TMEM169: variants seen among roughly 807,000 people sequenced by gnomAD.
The protein encoded by TMEM169 is transmembrane protein 169.
A neutral mutation model predicts 27.3 loss-of-function variants in TMEM169; 18 were observed. The ratio of observed to expected loss-of-function variants is 0.66; its 90% CI spans 0.46 to 0.98. The LOEUF (loss-of-function observed/expected upper bound fraction) is 0.98. Ranked by LOEUF, TMEM169 falls within the 50% of genes least tolerant of loss-of-function variation. TMEM169 has a pLI of 0.00. For missense variants in TMEM169, 320 were observed against 368.6 expected, an observed-to-expected ratio of 0.87 and a Z score of 1.08; for synonymous variants, 136 against 142.1, an observed-to-expected ratio of 0.96 and a Z score of 0.30.
chr2:216,095,098 C>CT (rs1202631763), intron 1 of TMEM169, among the ~76,000 whole-genome samples: 1 of 76,224 alleles, frequency 1.3e-5, no homozygotes, highest in Non-Finnish European at 2.3e-5. Flanking sequence ...ACCTATGGTT[C>CT]TTTTTTCTTT....
In TMEM169 at chr2:216,102,101, G is replaced by A. The variant is rs1230734329; in HGVS notation, c.*1559G>A. ...CTCTTTGTCCTGGTGGTGGAGGTGG[G>A]ACGAGGTGGTGATATTTAACCTAGA... On this transcript the variant is annotated 3_prime_UTR_variant, in exon 3 of 3. Coordinates refer to ENST00000437356, the MANE Select transcript of TMEM169 (RefSeq NM_001142311.2). 1 of 152,078 alleles carries A rather than the reference G, an allele frequency of 6.6e-6. No homozygotes were observed. The highest frequency in any genetic ancestry group is 1.9e-4 in the East Asian group (1 of 5,178). 9.4% of individuals were successfully genotyped at this position (152,078 alleles called of 1,614,324 possible).
chr2:216,087,478 G>C (rs1222556490), intron 1 of TMEM169, among the ~76,000 whole-genome samples: 1 of 152,148 alleles, frequency 6.6e-6, no homozygotes, highest in Non-Finnish European at 1.5e-5. Flanking sequence ...AGGACTTAGA[G>C]ACTAATTATT....
In TMEM169 at chr2:216,100,268, G is replaced by A. The variant is rs1696362461; in HGVS notation, c.620G>A (p.Cys207Tyr). ...ACCTTCTGGCACAAGATCTCGTATT[G>A]CCCTTGCCTCGTTCTCTTCTATCCA... ...ERTFWHKISY[C>Y]PCLVLFYPVL... The change falls in exon 3 of 3, where the codon TGC becomes TAC. Residue 207 changes from cysteine to tyrosine, a missense_variant. Cys to Tyr is a radical substitution (Grantham distance 194). Coordinates refer to ENST00000437356, the MANE Select transcript of TMEM169 (RefSeq NM_001142311.2). 6.2e-7 allele frequency: 1 copy of A among 1,613,414 alleles called. No individual in the cohort carries two copies. Among genetic ancestry groups the A allele is most frequent in the Non-Finnish European group, 8.5e-7 (1 of 1,179,878 alleles).
At chr2:216,091,588 C>T (rs1263546519) in intron 1 of TMEM169, among the ~76,000 whole-genome samples, 5 of 140,014 alleles carry the variant, frequency 3.6e-5, no homozygotes, top group Admixed American at 7.7e-5. Context: ...AAGAGAGAGA[C>T]CCAGAGAGCT....
At chr2:216,082,032 A>G in intron 1 of TMEM169, 53 bp downstream of exon 1, 1 of 372,234 alleles carries the variant, frequency 2.7e-6, no homozygotes, top group Non-Finnish European at 4.7e-6. Context: ...GGAGGGTGGA[A>G]GGGAAATGCA....
chr2:216,098,497 G>C (rs1696310357), intron 2 of TMEM169, among the ~76,000 whole-genome samples: 2 of 152,156 alleles, frequency 1.3e-5, no homozygotes, highest in African/African-American at 4.8e-5. Flanking sequence ...TGAAAAGACA[G>C]GGCTTGGGAG....
intron 1 of TMEM169, among the ~76,000 whole-genome samples, chr2:216,088,322 G>T (rs1696054065): frequency 6.6e-6 from 1 of 151,966 alleles, no homozygotes; most frequent in Non-Finnish European, 1.5e-5. Flanking sequence ...AAATTAGCCG[G>T]GCGTGGTGGT....
In TMEM169 at chr2:216,100,047, C is replaced by A; in HGVS notation, c.399C>A (p.Thr133=). 1 of 1,614,154 alleles carries A rather than the reference C, an allele frequency of 6.2e-7. No homozygotes were observed. The highest frequency in any genetic ancestry group is 8.5e-7 in the Non-Finnish European group (1 of 1,180,028). ...TLTEKELQEL[T]KPKESSRETT... ...CAGAGAAAGAGCTGCAGGAACTGAC[C>A]AAACCTAAAGAGTCATCAAGGGAAA... Residue 133 remains threonine, a synonymous_variant, in exon 3 of 3, where the codon ACC becomes ACA. Transcript: ENST00000437356.
At chr2:216,089,005 G>A (rs994011833) in intron 1 of TMEM169, among the ~76,000 whole-genome samples, 2 of 152,200 alleles carry the variant, frequency 1.3e-5, no homozygotes, top group Admixed American at 1.3e-4. Flanking sequence ...ACAGCTGTGT[G>A]CAGGAAGGCT....
rs1696335063 is a variant in TMEM169, at chr2:216,099,361, A to T, written c.272-559A>T. Among the ~76,000 whole-genome samples the T allele has an allele frequency of 6.6e-6, 1 of 151,102 alleles. No homozygotes were observed. Among genetic ancestry groups the T allele is most frequent in the African/African-American group, 2.4e-5 (1 of 41,064 alleles). On this transcript the variant is annotated intron_variant, in intron 2 of 2. Coordinates refer to ENST00000437356, the MANE Select transcript of TMEM169 (RefSeq NM_001142311.2). The surrounding 1 kb of genome is among the most constrained non-coding windows in gnomAD (Gnocchi z 5.0). ...GGAGGTGGCATGTGTATGTGTGTGT[A>T]TGGTGTGTATGTAGTATGTGAGAGG...
chr2:216,100,648 T>G lies in TMEM169; in HGVS notation c.*106T>G, dbSNP rs1696376834. ...TACCCCCTACTCTCCGCAGTTCTTC[T>G]GGGAAATCAGAGTCCATACTGATCA... is the stretch of plus-strand genomic sequence containing the variant. On this transcript the variant is annotated 3_prime_UTR_variant, in exon 3 of 3. Coordinates refer to ENST00000437356, the MANE Select transcript of TMEM169 (RefSeq NM_001142311.2). 4.0e-6 allele frequency: 6 copies of G among 1,484,598 alleles called. No individual in the cohort carries two copies. In the East Asian group the frequency reaches 1.4e-4, roughly 35 times the overall value. 92.0% of individuals were successfully genotyped at this position (1,484,598 alleles called of 1,614,324 possible). A position where few individuals can be genotyped will look rare whatever the true frequency, so the allele number is the denominator to read the frequency against.
intron 2 of TMEM169, among the ~76,000 whole-genome samples, chr2:216,098,801 GGTGT>G (rs929518392): frequency 3.3e-5 from 5 of 150,544 alleles, no homozygotes; most frequent in Non-Finnish European, 5.9e-5. Flanking sequence ...TGTGTCGTAT[GGTGT>G]GTGTGTGTAA....
At chr2:216,084,828 G>A (rs1217008038) in intron 1 of TMEM169, among the ~76,000 whole-genome samples, 1 of 152,202 alleles carries the variant, frequency 6.6e-6, no homozygotes, top group Non-Finnish European at 1.5e-5. Flanking sequence ...TCTTGAGGAA[G>A]AAATACACAG....
At position 216,101,644 on chromosome 2, in the gene TMEM169, A is replaced by C. The variant is rs1696398412; in HGVS notation, c.*1102A>C. The C allele has an allele frequency of 6.8e-6, 1 of 146,182 alleles. No individual in the cohort carries two copies. Among genetic ancestry groups the C allele is most frequent in the African/African-American group, 2.8e-5 (1 of 35,730 alleles). The allele number at this position is 146,182 out of a possible 1,614,324, so 9.1% of individuals were successfully genotyped here. A position where few individuals can be genotyped will look rare whatever the true frequency, so the allele number is the denominator to read the frequency against. On this transcript the variant is annotated 3_prime_UTR_variant, in exon 3 of 3. Transcript: ENST00000437356. ...CAGGTGCGTGCCACCATACCCGGCT[A>C]ATTTTTGTATTTTTTTTTTAGTAGA...
At chr2:216,088,950 A>G (rs1696068475) in intron 1 of TMEM169, among the ~76,000 whole-genome samples, 1 of 151,788 alleles carries the variant, frequency 6.6e-6, no homozygotes, top group South Asian at 2.1e-4. Context: ...TGGAGATACA[A>G]TCTTGAGATC....
intron 1 of TMEM169, among the ~76,000 whole-genome samples, chr2:216,093,344 T>C (rs1696184013): frequency 6.6e-6 from 1 of 152,160 alleles, no homozygotes. Flanking sequence ...CCTCTGGAGC[T>C]ATTTACCTTG....
intron 1 of TMEM169, among the ~76,000 whole-genome samples, chr2:216,090,174 G>A (rs1167172288): frequency 6.6e-6 from 1 of 152,136 alleles, no homozygotes; most frequent in Admixed American, 6.5e-5. Context: ...AGAGTAAAGT[G>A]GCAAGGTAAA....
Position 216,100,616 on chromosome 2 carries a change from T to G in TMEM169, c.*74T>G, listed in dbSNP as rs1696375580. 1 of 1,589,386 alleles carries G rather than the reference T, an allele frequency of 6.3e-7. No homozygotes were observed. The highest frequency in any genetic ancestry group is 1.3e-5 in the African/African-American group (1 of 74,366). ...TCTTAAAATTCCAGCAGATTATTTCTTTAAATTACCCCCTACTCTCCGCAG... is the reference window on the plus strand; with the variant it reads ...TCTTAAAATTCCAGCAGATTATTTCGTTAAATTACCCCCTACTCTCCGCAG... On this transcript the variant is annotated 3_prime_UTR_variant, in exon 3 of 3. Transcript: ENST00000437356.
intron 1 of TMEM169, among the ~76,000 whole-genome samples, chr2:216,090,477 G>A (rs1449285604): frequency 1.3e-5 from 2 of 152,172 alleles, no homozygotes; most frequent in African/African-American, 4.8e-5. Flanking sequence ...CCTCATTCAA[G>A]CCTTCAGATG....
Sources: gnomAD v4.1 joint callset for allele counts (sites outside exome capture counted in the v4.1 genomes callset) on GRCh38, gnomAD v4.1.1 for gene constraint, Gnocchi (gnomAD v3.1) non-coding constraint, MANE v1.5 for transcripts, NCBI Gene and HGNC (gene_info 2026-07-23, HGNC 2026-07-21) for gene names.